PLCXD3: variants seen among roughly 807,000 people sequenced by gnomAD.
PLCXD3 encodes phosphatidylinositol specific phospholipase C X domain containing 3.
In PLCXD3, 19 loss-of-function variants were observed where a neutral mutation model predicts 25.5. The observed-to-expected ratio is 0.75, with a 90% CI of 0.52 to 1.09. The LOEUF is 1.09. Among genes scored for constraint, PLCXD3 ranks in the 50% least tolerant of loss-of-function variants. PLCXD3 has a pLI of 0.00. For missense variants in PLCXD3, 411 were observed against 388.1 expected (o/e 1.06, Z -0.50); for synonymous variants, 174 against 137.6 (o/e 1.26, Z -1.85).
intron 2 of PLCXD3, among the ~76,000 whole-genome samples, chr5:41,364,725 G>T (rs560058858): frequency 4.6e-5 from 7 of 152,236 alleles, no homozygotes; most frequent in Middle Eastern, 6.8e-3. Context: ...GCAGTGCAAA[G>T]GCCAACCACA....
intron 1 of PLCXD3, among the ~76,000 whole-genome samples, chr5:41,411,830 ATCCATATATATATC>A (rs1746533870): frequency 1.3e-5 from 2 of 148,262 alleles, no homozygotes; most frequent in African/African-American, 2.5e-5. Context: ...CCATATTGAT[ATCCATATATATATC>A]TCCATATATA....
chr5:41,348,332 T>G (rs1744359187), intron 2 of PLCXD3, among the ~76,000 whole-genome samples: 1 of 152,208 alleles, frequency 6.6e-6, no homozygotes, highest in Non-Finnish European at 1.5e-5. Context: ...GAAGTAATCA[T>G]GGTACAGCTG....
At chr5:41,373,071 G>A (rs750266198) in intron 2 of PLCXD3, among the ~76,000 whole-genome samples, 2 of 151,946 alleles carry the variant, frequency 1.3e-5, no homozygotes, top group African/African-American at 4.8e-5. Flanking sequence ...AAACAAATGA[G>A]TTTTTGGCCA....
intron 1 of PLCXD3, among the ~76,000 whole-genome samples, chr5:41,425,048 T>C (rs1458523126): frequency 6.6e-6 from 1 of 152,222 alleles, no homozygotes; most frequent in Non-Finnish European, 1.5e-5. Flanking sequence ...ATTTTGGTGG[T>C]TGTATGCAGC....
chr5:41,399,855 A>G (rs1746124842), intron 1 of PLCXD3, among the ~76,000 whole-genome samples: 1 of 152,154 alleles, frequency 6.6e-6, no homozygotes, highest in African/African-American at 2.4e-5. Context: ...GGATCGCATC[A>G]AATTAAAAAG....
In PLCXD3 at chr5:41,493,360, T is replaced by C. The variant is rs544246093; in HGVS notation, c.103+17064A>G. ...GCCCCTACTGGGGGGTGCCTCCCAG[T>C]TAGGCTGCTCAGGGGTCAGGGGTCA... On this transcript the variant is annotated intron_variant, in intron 1 of 2. Coordinates refer to ENST00000377801, the MANE Select transcript of PLCXD3 (RefSeq NM_001005473.3). Among the ~76,000 whole-genome samples, 21 of 152,310 alleles carry C rather than the reference T, an allele frequency of 1.4e-4. No homozygotes were observed. The East Asian group carries it at 3.7e-3, about 27-fold the overall frequency.
At chr5:41,396,786 G>A (rs1394881587) in intron 1 of PLCXD3, among the ~76,000 whole-genome samples, 1 of 152,244 alleles carries the variant, frequency 6.6e-6, no homozygotes, top group Admixed American at 6.5e-5. Flanking sequence ...CTGGAGCAAA[G>A]CTCGCACTTG....
intron 1 of PLCXD3, among the ~76,000 whole-genome samples, chr5:41,453,433 T>G (rs1049801671): frequency 4.0e-5 from 6 of 151,812 alleles, no homozygotes; most frequent in Admixed American, 1.3e-4. Context: ...ATTCAGCCAC[T>G]CACCTGAAGT....
At chr5:41,440,478 C>T (rs1747359865) in intron 1 of PLCXD3, among the ~76,000 whole-genome samples, 2 of 151,936 alleles carry the variant, frequency 1.3e-5, no homozygotes, top group Admixed American at 6.6e-5. Flanking sequence ...GATGATCCAC[C>T]TGCCTTGGCC....
chr5:41,506,269 A>T (rs1749050107), intron 1 of PLCXD3, among the ~76,000 whole-genome samples: 1 of 152,254 alleles, frequency 6.6e-6, no homozygotes, highest in Admixed American at 6.5e-5. Context: ...AACACTTTAC[A>T]TTGAATAACA....
intron 1 of PLCXD3, among the ~76,000 whole-genome samples, chr5:41,499,129 A>G (rs1426548628): frequency 6.6e-6 from 1 of 151,498 alleles, no homozygotes; most frequent in Non-Finnish European, 1.5e-5. Context: ...ATTTAACATA[A>G]TACTATACAC....
chr5:41,412,137 G>A (rs1746565576), intron 1 of PLCXD3, among the ~76,000 whole-genome samples: 1 of 151,920 alleles, frequency 6.6e-6, no homozygotes. Flanking sequence ...GATAGGAACT[G>A]TTTAGACTGG....
At chr5:41,357,661 G>T (rs543600040) in intron 2 of PLCXD3, among the ~76,000 whole-genome samples, 1 of 152,232 alleles carries the variant, frequency 6.6e-6, no homozygotes, top group South Asian at 2.1e-4. Context: ...ACACAAGCTT[G>T]AGCAAGTCTA....
At chr5:41,505,169 G>T (rs1016940080) in intron 1 of PLCXD3, among the ~76,000 whole-genome samples, 1 of 152,114 alleles carries the variant, frequency 6.6e-6, no homozygotes, top group Non-Finnish European at 1.5e-5. Context: ...GGGCCTTAAC[G>T]TATGAACATT....
chr5:41,497,074 A>T (rs755203571), intron 1 of PLCXD3, among the ~76,000 whole-genome samples: 3 of 151,762 alleles, frequency 2.0e-5, no homozygotes, highest in Non-Finnish European at 4.4e-5. Flanking sequence ...GATACAAGAA[A>T]AGAAGAAAAA....
chr5:41,435,979 A>G (rs1240445095), intron 1 of PLCXD3, among the ~76,000 whole-genome samples: 1 of 152,208 alleles, frequency 6.6e-6, no homozygotes, highest in Non-Finnish European at 1.5e-5. Flanking sequence ...CCCTGAGGAT[A>G]CCACTCAACC....
chr5:41,456,368 C>T lies in PLCXD3; in HGVS notation c.103+54056G>A, dbSNP rs560392118. Among the ~76,000 whole-genome samples, 7 of 151,896 alleles carry T rather than the reference C, an allele frequency of 4.6e-5. No homozygotes were observed. In the East Asian group the frequency reaches 1.4e-3, roughly 30 times the overall value. On this transcript the variant is annotated intron_variant, in intron 1 of 2. Transcript: ENST00000377801. ...AAATATCCATCATACTTCTTTAAAA[C>T]CTATTGTTACAAAACATTCTGTGTT...
chr5:41,366,750 T>C (rs1744949188), intron 2 of PLCXD3, among the ~76,000 whole-genome samples: 1 of 152,176 alleles, frequency 6.6e-6, no homozygotes, highest in African/African-American at 2.4e-5. Flanking sequence ...CACAGATCAA[T>C]CCATCACTAG....
chr5:41,411,416 T>A (rs1746515501), intron 1 of PLCXD3, among the ~76,000 whole-genome samples: 1 of 152,198 alleles, frequency 6.6e-6, no homozygotes, highest in East Asian at 1.9e-4. Flanking sequence ...GGGTTGGGGA[T>A]TATTTCTTTG....
Sources: allele counts gnomAD v4.1 joint callset (sites outside exome capture counted in the v4.1 genomes callset), GRCh38; gene constraint gnomAD v4.1.1; transcripts MANE v1.5; gene names NCBI Gene and HGNC (gene_info 2026-07-23, HGNC 2026-07-21).